The following CTIF variants were observed in gnomAD, a reference collection of about 807,000 sequenced individuals.
CTIF encodes CBP80/20-dependent translation initiation factor.
A neutral mutation model predicts 66.0 loss-of-function variants in CTIF; 21 were observed. The observed-to-expected ratio is 0.32, with a 90% CI of 0.23 to 0.46. CTIF has a LOEUF of 0.46. Among genes scored for constraint, CTIF ranks in the 20% least tolerant of loss-of-function variants. CTIF has a pLI of 1.00. For synonymous variants in CTIF, 345 were observed against 326.4 expected, an observed-to-expected ratio of 1.06 and a Z score of -0.62; for missense variants, 739 against 812.7, an observed-to-expected ratio of 0.91 and a Z score of 1.10.
chr18:48,826,089 C>G (rs926013131), intron 10 of CTIF: 1 of 152,182 alleles, frequency 6.6e-6, no homozygotes, highest in South Asian at 2.1e-4. Flanking sequence ...CTCATTCTTC[C>G]GTCTTTTGAA....
At chr18:48,810,650 C>A (rs927992948) in intron 9 of CTIF, among the ~76,000 whole-genome samples, 2 of 151,542 alleles carry the variant, frequency 1.3e-5, no homozygotes, top group Non-Finnish European at 3.0e-5. Flanking sequence ...TTCATTTAAT[C>A]GGCCATAGAA....
intron 9 of CTIF, among the ~76,000 whole-genome samples, chr18:48,782,655 A>C (rs1031698295): frequency 1.3e-5 from 2 of 152,216 alleles, no homozygotes; most frequent in African/African-American, 2.4e-5. Context: ...GCCACAGGTC[A>C]GGTGCCCGAG....
intron 2 of CTIF, among the ~76,000 whole-genome samples, chr18:48,621,289 A>T (rs1368842632): frequency 1.1e-5 from 1 of 88,650 alleles, no homozygotes; most frequent in Non-Finnish European, 2.2e-5. Context: ...CATGGAGGGG[A>T]GGGAGGGGTG....
chr18:48,819,392 G>A (rs1025377746), intron 10 of CTIF, among the ~76,000 whole-genome samples: 2 of 152,216 alleles, frequency 1.3e-5, no homozygotes, highest in Non-Finnish European at 2.9e-5. Flanking sequence ...ACAGGGAGCA[G>A]CACTGTTCTA....
At chr18:48,853,731 C>G (rs1453711104) in intron 10 of CTIF, among the ~76,000 whole-genome samples, 1 of 152,236 alleles carries the variant, frequency 6.6e-6, no homozygotes. Context: ...TGCAGCCAAG[C>G]CTGCCGTGGG....
At chr18:48,689,274 G>T (rs1297992400) in intron 6 of CTIF, among the ~76,000 whole-genome samples, 1 of 152,192 alleles carries the variant, frequency 6.6e-6, no homozygotes, top group Non-Finnish European at 1.5e-5. Context: ...TTAGAAAGAG[G>T]TGCCCCTTCC....
At position 48,586,276 on chromosome 18, in the gene CTIF, C is replaced by CTT. The variant is rs545720420; in HGVS notation, c.-28-33245_-28-33244dup. ...ATCAGCATTCCTTTCCACACTTTTA[C>CTT]TTTTTTTTTTTTTTTTTTGAGACAG... On this transcript the variant is annotated intron_variant, in intron 1 of 11. Coordinates refer to ENST00000256413, the MANE Select transcript of CTIF (RefSeq NM_014772.3). Among the ~76,000 whole-genome samples, 1,060 of 138,462 alleles carry CTT rather than the reference C, an allele frequency of 7.7e-3. 14 individuals carry two copies. The highest frequency in any genetic ancestry group is 0.024 in the African/African-American group (922 of 37,712). The allele number at this position is 138,462 out of a possible 152,430, so 90.8% of individuals were successfully genotyped here.
chr18:48,649,156 C>T (rs755461375), intron 3 of CTIF, among the ~76,000 whole-genome samples: 7 of 152,166 alleles, frequency 4.6e-5, no homozygotes, highest in East Asian at 1.9e-4. Context: ...TGGGGCATTG[C>T]GTCACCCGAG....
At chr18:48,824,823 G>A (rs1199051837) in intron 10 of CTIF, among the ~76,000 whole-genome samples, 2 of 152,044 alleles carry the variant, frequency 1.3e-5, no homozygotes, top group African/African-American at 2.4e-5. Flanking sequence ...TGTATTTTTG[G>A]TAGAGACGGG....
intron 10 of CTIF, among the ~76,000 whole-genome samples, chr18:48,851,949 C>T (rs528603954): frequency 5.9e-5 from 9 of 152,062 alleles, no homozygotes; most frequent in South Asian, 2.1e-4. Context: ...AAGTTCCAGC[C>T]TAGGTGGGGT....
At chr18:48,636,807 G>A (rs965333767) in intron 3 of CTIF, 122 bp downstream of exon 3, 3 of 621,886 alleles carry the variant, frequency 4.8e-6, no homozygotes, top group Non-Finnish European at 7.3e-6. Flanking sequence ...AGGTGGGAGA[G>A]GGGAGGGGGC....
chr18:48,816,057 C>T (rs971510627), intron 9 of CTIF, among the ~76,000 whole-genome samples: 1 of 152,158 alleles, frequency 6.6e-6, no homozygotes, highest in East Asian at 1.9e-4. Flanking sequence ...CAGCAGTAAG[C>T]GTGCATGTAG....
At chr18:48,669,940 C>T (rs191520143) in intron 5 of CTIF, among the ~76,000 whole-genome samples, 8 of 149,986 alleles carry the variant, frequency 5.3e-5, no homozygotes, top group African/African-American at 4.9e-5. Context: ...ATTTAATCCT[C>T]CAGCCACCTT....
intron 9 of CTIF, among the ~76,000 whole-genome samples, chr18:48,767,332 TG>T (rs1909665843): frequency 6.6e-6 from 1 of 151,768 alleles, no homozygotes; most frequent in African/African-American, 2.4e-5. Flanking sequence ...ATGACAGGAA[TG>T]GAAGCCTGAG....
intron 9 of CTIF, among the ~76,000 whole-genome samples, chr18:48,770,072 G>A (rs886972482): frequency 1.3e-5 from 2 of 152,328 alleles, no homozygotes; most frequent in Admixed American, 6.5e-5. Flanking sequence ...CAGAGCAGCC[G>A]ATGACCGGAT....
chr18:48,859,789 A>T lies in CTIF; in HGVS notation c.*230A>T. The T allele has an allele frequency of 1.5e-6, 1 of 687,218 alleles. No individual in the cohort carries two copies. 42.6% of individuals were successfully genotyped at this position (687,218 alleles called of 1,614,324 possible). On this transcript the variant is annotated 3_prime_UTR_variant, in exon 12 of 12. Coordinates refer to ENST00000256413, the MANE Select transcript of CTIF (RefSeq NM_014772.3). ...GCATGCAAGCTCACACCAATAAGGGAAGCATGTTTCTTTTTCCTGGTGGCC... is the reference window on the plus strand; with the variant it reads ...GCATGCAAGCTCACACCAATAAGGGTAGCATGTTTCTTTTTCCTGGTGGCC...
chr18:48,725,579 A>T (rs1228012303), intron 7 of CTIF, among the ~76,000 whole-genome samples: 1 of 152,120 alleles, frequency 6.6e-6, no homozygotes, highest in Non-Finnish European at 1.5e-5. Flanking sequence ...CTCTACTCTC[A>T]TGCGGCCCCT....
intron 7 of CTIF, among the ~76,000 whole-genome samples, chr18:48,750,594 A>G (rs545417999): frequency 6.6e-6 from 1 of 152,348 alleles, no homozygotes; most frequent in South Asian, 2.1e-4. Flanking sequence ...TGTTCCCAGC[A>G]CAGATGGAAA....
intron 6 of CTIF, among the ~76,000 whole-genome samples, chr18:48,701,668 A>T (rs924461666): frequency 8.5e-5 from 13 of 152,232 alleles, no homozygotes; most frequent in Non-Finnish European, 1.3e-4. Context: ...TAATGTAGAA[A>T]CAATCTTCTA....
Sources: allele counts gnomAD v4.1 joint callset (sites outside exome capture counted in the v4.1 genomes callset), GRCh38; gene constraint gnomAD v4.1.1; transcripts MANE v1.5; gene names NCBI Gene and HGNC (gene_info 2026-07-23, HGNC 2026-07-21).